SELENBP1: variants seen among roughly 807,000 people sequenced by gnomAD.
SELENBP1 encodes the protein methanethiol oxidase.
Under a neutral mutation model 61.0 loss-of-function variants are expected in SELENBP1, and 71 were observed. The ratio of observed to expected loss-of-function variants is 1.16; its 90% confidence interval spans 0.96 to 1.42. The LOEUF is 1.42. Ranked by LOEUF, SELENBP1 falls within the 40% of genes most tolerant of loss-of-function variation. SELENBP1 has a pLI of 0.00. For missense variants in SELENBP1, 561 were observed against 605.0 expected (o/e 0.93, Z 0.76); for synonymous variants, 270 against 238.9 (o/e 1.13, Z -1.20).
intron 11 of SELENBP1, 45 bp downstream of exon 11, chr1:151,364,881 G>T (rs1651715013): frequency 6.3e-7 from 1 of 1,587,684 alleles, no homozygotes; most frequent in African/African-American, 1.3e-5. Context: ...TGACCCCTCT[G>T]GAAGAGGAGG....
chr1:151,365,854 GA>G lies in SELENBP1; in HGVS notation c.844-9del. ...CACTGACCATGTACCTCCCTACATT[GA>G]GGGGTGGAGGGTGAGGTTAGCTGGC... On this transcript the variant is annotated splice_polypyrimidine_tract_variant and intron_variant, in intron 7 of 11. Coordinates refer to ENST00000368868, the MANE Select transcript of SELENBP1 (RefSeq NM_003944.4). 6.2e-7 allele frequency: 1 copy of G among 1,613,750 alleles called. No homozygotes were observed. The highest frequency in any genetic ancestry group is 8.5e-7 in the Non-Finnish European group (1 of 1,179,764).
chr1:151,369,914 C>T (rs543562836), intron 1 of SELENBP1, 145 bp from the exon 2 acceptor site: 60 of 1,535,870 alleles, frequency 3.9e-5, no homozygotes, highest in Non-Finnish European at 5.2e-5. Context: ...CTGGCCTGTC[C>T]TCTCCGCCCC....
intron 5 of SELENBP1, 131 bp downstream of exon 5, chr1:151,368,068 G>T: frequency 8.4e-7 from 1 of 1,191,022 alleles, no homozygotes; most frequent in Non-Finnish European, 1.2e-6. Context: ...TACTGGCTGG[G>T]ATCCAGCTCA....
At position 151,366,783 on chromosome 1, in the gene SELENBP1, G is replaced by A; in HGVS notation, c.603C>T (p.Ser201=). The change falls in exon 6 of 12, where the codon AGC becomes AGT. Residue 201 remains serine (S), a synonymous_variant. Transcript: ENST00000368868. ...AGACATTGGGAGCTGCCCACTCAGT[G>A]CTGATCATGACATTGTGTCGAGGCT... ...WYQPRHNVMI[S]TEWAAPNVLR... is the part of the protein sequence containing the mutation. 1 of 1,614,158 alleles carries A rather than the reference G, an allele frequency of 6.2e-7. No individual in the cohort carries two copies. The highest frequency in any genetic ancestry group is 8.5e-7 in the Non-Finnish European group (1 of 1,180,022).
intron 10 of SELENBP1, 55 bp downstream of exon 10, chr1:151,365,134 A>T: frequency 1.3e-6 from 2 of 1,587,974 alleles, no homozygotes; most frequent in Non-Finnish European, 1.7e-6. Context: ...GCTCCCCCAC[A>T]TATTCCTCAA....
At position 151,366,747 on chromosome 1, in the gene SELENBP1, G is replaced by C. The variant is rs199834514; in HGVS notation, c.639C>G (p.Gly213=). Residue 213 remains glycine, a synonymous_variant, in exon 6 of 12, where the codon GGC becomes GGG. Coordinates refer to ENST00000368868, the MANE Select transcript of SELENBP1 (RefSeq NM_003944.4). ...CAGCCTCCACATCAGCGGGGTTGAA[G>C]CCATCTCGTAAGACATTGGGAGCTG... ...EWAAPNVLRD[G]FNPADVEAGL... The C allele has an allele frequency of 5.6e-6, 9 of 1,614,082 alleles. No homozygotes were observed. In the East Asian group the frequency reaches 2.0e-4, roughly 36 times the overall value.
chr1:151,368,369 T>C, intron 4 of SELENBP1, 50 bp from the exon 5 acceptor site: 4 of 1,598,778 alleles, frequency 2.5e-6, no homozygotes, highest in Non-Finnish European at 3.4e-6. Context: ...TGGGAGTCCC[T>C]GCTCTTAACC....
rs773583334 is a variant in SELENBP1 at position 151,366,770 on chromosome 1, C to A, written c.616G>T (p.Ala206Ser). 1.2e-6 allele frequency: 2 copies of A among 1,614,128 alleles called. No individual in the cohort carries two copies. The highest frequency in any genetic ancestry group is 4.5e-5 in the East Asian group (2 of 44,864). Residue 206 changes from alanine (A) to serine (S), a missense_variant, in exon 6 of 12, where the codon GCT (alanine) becomes TCT (serine). Transcript: ENST00000368868. ...HNVMISTEWA[A>S]PNVLRDGFNP... ...AAGCCATCTCGTAAGACATTGGGAG[C>A]TGCCCACTCAGTGCTGATCATGACA...
At chr1:151,364,876 C>T (rs1651714904) in intron 11 of SELENBP1, 50 bp downstream of exon 11, 1 of 1,587,488 alleles carries the variant, frequency 6.3e-7, no homozygotes, top group Middle Eastern at 1.7e-4. Flanking sequence ...CCAAATGACC[C>T]CTCTGGAAGA....
chr1:151,365,650 G>A lies in SELENBP1; in HGVS notation c.957C>T (p.Asp319=). The A allele has an allele frequency of 1.9e-6, 3 of 1,614,182 alleles. No individual in the cohort carries two copies. The highest frequency in any genetic ancestry group is 2.5e-6 in the Non-Finnish European group (3 of 1,180,028). The part of the protein sequence containing the change: ...LITDILLSLD[D]RFLYFSNWLH... Reference sequence around the variant, plus strand: ...GCCAGTTGCTGAAGTAGAGGAAGCGGTCGTCCAGGGAGAGCAGGATGTCGG... The same window carrying A: ...GCCAGTTGCTGAAGTAGAGGAAGCGATCGTCCAGGGAGAGCAGGATGTCGG... The change falls in exon 9 of 12, where the codon GAC becomes GAT. Residue 319 remains aspartate, a synonymous_variant. Coordinates refer to ENST00000368868, the MANE Select transcript of SELENBP1 (RefSeq NM_003944.4).
Position 151,366,709 on chromosome 1 carries a change from G to A in SELENBP1, c.664+13C>T. 1 of 1,611,610 alleles carries A rather than the reference G, an allele frequency of 6.2e-7. No homozygotes were observed. Among genetic ancestry groups the A allele is most frequent in the Non-Finnish European group, 8.5e-7 (1 of 1,178,100 alleles). ...GGCCCAAGGCTCCTGCTGGCACATGGGGGGATTCTCACCAGCCTCCACATC... is the reference window on the plus strand; with the variant it reads ...GGCCCAAGGCTCCTGCTGGCACATGAGGGGATTCTCACCAGCCTCCACATC... On this transcript the variant is annotated intron_variant, in intron 6 of 11. Coordinates refer to ENST00000368868, the MANE Select transcript of SELENBP1 (RefSeq NM_003944.4).
Position 151,366,738 on chromosome 1 carries a change from G to A in SELENBP1, c.648C>T (p.Pro216=), listed in dbSNP as rs375401678. Residue 216 remains proline (P), a synonymous_variant, in exon 6 of 12, where the codon CCC becomes CCT. Transcript: ENST00000368868. ...GATTCTCACCAGCCTCCACATCAGCGGGGTTGAAGCCATCTCGTAAGACAT... is the reference window on the plus strand; with the variant it reads ...GATTCTCACCAGCCTCCACATCAGCAGGGTTGAAGCCATCTCGTAAGACAT... The part of the protein sequence containing the change: ...APNVLRDGFN[P]ADVEAGLYGS... 1.2e-5 allele frequency: 20 copies of A among 1,613,894 alleles called. No individual in the cohort carries two copies. The highest frequency in any genetic ancestry group is 9.3e-5 in the African/African-American group (7 of 74,908).
At chr1:151,370,775 G>A (rs1051826417) in intron 1 of SELENBP1, among the ~76,000 whole-genome samples, 6 of 152,218 alleles carry the variant, frequency 3.9e-5, no homozygotes, top group African/African-American at 1.4e-4. Flanking sequence ...CCTGGGCCCT[G>A]TCTCCTGCCT....
In SELENBP1 at chr1:151,364,405, T is replaced by C; in HGVS notation, c.*138A>G. 1 of 1,020,090 alleles carries C rather than the reference T, an allele frequency of 9.8e-7. No individual in the cohort carries two copies. The highest frequency in any genetic ancestry group is 1.5e-6 in the Non-Finnish European group (1 of 667,420). 63.2% of individuals were successfully genotyped at this position (1,020,090 alleles called of 1,614,324 possible). On this transcript the variant is annotated 3_prime_UTR_variant, in exon 12 of 12. Coordinates refer to ENST00000368868, the MANE Select transcript of SELENBP1 (RefSeq NM_003944.4). ...ACAGTGGTCAGTAAATGTATATGAC[T>C]CAACACATTGCCACAGTCTCAGCTT...
chr1:151,372,060 TCA>T (rs1438846295), intron 1 of SELENBP1, among the ~76,000 whole-genome samples: 2 of 152,110 alleles, frequency 1.3e-5, no homozygotes, highest in Non-Finnish European at 2.9e-5. Context: ...TCTTAGCCTG[TCA>T]CCCAGAAGCC....
chr1:151,366,937 A>C (rs1165416265), intron 5 of SELENBP1, 33 bp from the exon 6 acceptor site: 2 of 1,607,278 alleles, frequency 1.2e-6, no homozygotes, highest in Non-Finnish European at 1.7e-6. Flanking sequence ...TGGCAGGTAG[A>C]AGCAGTAGAG....
chr1:151,366,843 C>T lies in SELENBP1; in HGVS notation c.543G>A (p.Gly181=). ...AGTCATAGCCCAACGGTGCAGCACC[C>T]CCAGGTCTCTCCCATGTCCCCTTCA... ...FEVKGTWERP[G]GAAPLGYDFW... Residue 181 remains glycine, a synonymous_variant, in exon 6 of 12, where the codon GGG becomes GGA. Transcript: ENST00000368868. 1.2e-6 allele frequency: 2 copies of T among 1,614,160 alleles called. No homozygotes were observed. Among genetic ancestry groups the T allele is most frequent in the Non-Finnish European group, 8.5e-7 (1 of 1,180,034 alleles).
At chr1:151,369,270 G>T in intron 3 of SELENBP1, 81 bp from the exon 4 acceptor site, 1 of 1,540,208 alleles carries the variant, frequency 6.5e-7, no homozygotes, top group Non-Finnish European at 8.9e-7. Context: ...GACTCATTTT[G>T]GTTTGGAAGC....
At chr1:151,366,981 G>C in intron 5 of SELENBP1, 77 bp from the exon 6 acceptor site, 4 of 1,557,292 alleles carry the variant, frequency 2.6e-6, no homozygotes, top group Non-Finnish European at 3.5e-6. Context: ...TCTCCCCGAG[G>C]CATGTCTAAG....
Sources: gnomAD v4.1 joint callset for allele counts (sites outside exome capture counted in the v4.1 genomes callset) on GRCh38, gnomAD v4.1.1 for gene constraint, MANE v1.5 for transcripts, NCBI Gene and HGNC (gene_info 2026-07-23, HGNC 2026-07-21) for gene names.